ZAP70: variants seen among roughly 807,000 people sequenced by gnomAD.
ZAP70 encodes the protein zeta chain of T cell receptor associated protein kinase 70.
In ZAP70, 27 loss-of-function variants were observed where a neutral mutation model predicts 65.8. That is an observed-to-expected ratio of 0.41 (90% CI 0.30 to 0.57). ZAP70 has a LOEUF of 0.57. Ranked by LOEUF, ZAP70 falls within the 20% of genes least tolerant of loss-of-function variation. ZAP70 has a pLI of 0.28. For synonymous variants in ZAP70, 363 were observed against 360.8 expected (o/e 1.01, Z -0.07); for missense variants, 696 against 870.5 (o/e 0.80, Z 2.52).
intron 4 of ZAP70, among the ~76,000 whole-genome samples, chr2:97,726,595 C>T (rs1018893783): frequency 6.6e-6 from 1 of 152,270 alleles, no homozygotes; most frequent in Non-Finnish European, 1.5e-5. Context: ...ATTTTCCTCA[C>T]CCATGTGAAG....
chr2:97,734,824 G>C (rs1677785251), intron 9 of ZAP70, 112 bp downstream of exon 9: 8 of 1,412,176 alleles, frequency 5.7e-6, no homozygotes, highest in Non-Finnish European at 6.8e-6. Flanking sequence ...GTTTGCCTGG[G>C]AAACAGACTC....
rs1677275631 is a variant in ZAP70 at position 97,724,159 on chromosome 2, C to G, written c.123C>G (p.Arg41=). The stretch of plus-strand genomic sequence containing the variant: ...TCTTCCTGCTGCGCCAGTGCCTGCG[C>G]TCGCTGGGCGGCTATGTGCTGTCGC... ...DGLFLLRQCL[R]SLGGYVLSLV... is the part of the protein sequence containing the mutation. Residue 41 remains arginine (R), a synonymous_variant, in exon 3 of 14, where the codon CGC becomes CGG. Coordinates refer to ENST00000264972, the MANE Select transcript of ZAP70 (RefSeq NM_001079.4). The G allele has an allele frequency of 6.3e-7, 1 of 1,581,102 alleles. No homozygotes were observed. The highest frequency in any genetic ancestry group is 1.3e-5 in the African/African-American group (1 of 74,440).
intron 2 of ZAP70, among the ~76,000 whole-genome samples, chr2:97,721,219 A>G (rs1677139982): frequency 6.6e-6 from 1 of 152,168 alleles, no homozygotes; most frequent in Non-Finnish European, 1.5e-5. Context: ...TATCACATAC[A>G]GTTGATCAAC....
intron 4 of ZAP70, among the ~76,000 whole-genome samples, chr2:97,732,252 G>T (rs140004147): frequency 2.0e-5 from 3 of 152,348 alleles, no homozygotes; most frequent in African/African-American, 7.2e-5. Flanking sequence ...TATGGAACTG[G>T]TCAGTCTCGT....
At chr2:97,743,179 G>A (rs767461048), downstream of ZAP70, among the ~76,000 whole-genome samples, 20 of 152,168 alleles carry the variant, frequency 1.3e-4, no homozygotes, top group Non-Finnish European at 2.4e-4. Context: ...TTCTGGCTCC[G>A]TGGCTGCCAC....
chr2:97,734,591 G>C lies in ZAP70; in HGVS notation c.961G>C (p.Asp321His), dbSNP rs199993140. 1 of 1,614,200 alleles carries C rather than the reference G, an allele frequency of 6.2e-7. No individual in the cohort carries two copies. The highest frequency in any genetic ancestry group is 1.3e-5 in the African/African-American group (1 of 75,068). The change falls in exon 9 of 14, where the codon GAC becomes CAC. Residue 321 changes from aspartate (D) to histidine (H), a missense_variant. Physicochemically the swap from Asp to His is moderately conservative, Grantham distance 81. This residue lies in a region of ZAP70 where 551 missense variants were observed against 630.0 expected (regional missense o/e 0.87). Coordinates refer to ENST00000264972, the MANE Select transcript of ZAP70 (RefSeq NM_001079.4). ...DTSVYESPYS[D>H]PEELKDKKLF... is the part of the protein sequence containing the mutation. ...GAGCGTGTATGAGAGCCCCTACAGC[G>C]ACCCAGAGGAGCTCAAGGACAAGAA...
downstream of ZAP70, chr2:97,739,885 G>C (rs1217651142): frequency 4.0e-6 from 1 of 249,458 alleles, no homozygotes; most frequent in Non-Finnish European, 7.9e-6. Context: ...TCTTTTCCGG[G>C]GTGAGGGTAG....
rs762526632 is a variant in ZAP70, at chr2:97,737,905, C to T, written c.1623+8C>T. On this transcript the variant is annotated splice_region_variant and intron_variant, in intron 12 of 13. Transcript: ENST00000264972. This position sits in a 1 kb window ranked among gnomAD's most constrained non-coding sequence, Gnocchi z 5.0. ...GGCCAGAAGCCCTACAAGGCAGGCGCGGGCAGAGGCAGGTGGGCGGTGTGG... is the reference window on the plus strand; with the variant it reads ...GGCCAGAAGCCCTACAAGGCAGGCGTGGGCAGAGGCAGGTGGGCGGTGTGG... The T allele has an allele frequency of 4.9e-5, 79 of 1,614,066 alleles. 1 individual carries two copies. Among genetic ancestry groups the T allele is most frequent in the African/African-American group, 2.1e-4 (16 of 75,030 alleles).
Position 97,715,948 on chromosome 2 carries a change from C to G in ZAP70, c.-22+1954C>G, listed in dbSNP as rs759193892. 1.3e-5 allele frequency among the ~76,000 whole-genome samples: 2 copies of G among 152,032 alleles called. No individual in the cohort carries two copies. Among genetic ancestry groups the G allele is most frequent in the African/African-American group, 4.8e-5 (2 of 41,366 alleles). ...CAAGACAGAGCCGTGGGCCCTGCCT[C>G]GGGGAGCTCAGCCTGGTGAGGGACT... On this transcript the variant is annotated intron_variant, in intron 2 of 13. Coordinates refer to ENST00000264972, the MANE Select transcript of ZAP70 (RefSeq NM_001079.4). The surrounding 1 kb of genome is among the most constrained non-coding windows in gnomAD (Gnocchi z 4.1).
chr2:97,717,682 C>T (rs1286109761), intron 2 of ZAP70, among the ~76,000 whole-genome samples: 3 of 152,218 alleles, frequency 2.0e-5, no homozygotes, highest in African/African-American at 2.4e-5. Flanking sequence ...AATTAAGTGA[C>T]GCTGAAAGAG....
At position 97,734,903 on chromosome 2, in the gene ZAP70, G is replaced by A. The variant is rs1441135196; in HGVS notation, c.1082+191G>A. 16 of 817,284 alleles carry A rather than the reference G, an allele frequency of 2.0e-5. No individual in the cohort carries two copies. The East Asian group carries it at 4.3e-4, about 22-fold the overall frequency. The allele number at this position is 817,284 out of a possible 1,614,324, so 50.6% of individuals were successfully genotyped here. A position where few individuals can be genotyped will look rare whatever the true frequency, so the allele number is the denominator to read the frequency against. ...GGGACACCTGACGGGGGTGGGATGG[G>A]GCCTGGGCAGGGGGAGGCTGTGGAG... On this transcript the variant is annotated intron_variant, in intron 9 of 13. Transcript: ENST00000264972.
At chr2:97,743,401 T>A (rs1193928686), downstream of ZAP70, among the ~76,000 whole-genome samples, 1 of 152,246 alleles carries the variant, frequency 6.6e-6, no homozygotes, top group Non-Finnish European at 1.5e-5. Context: ...AATGGCGCGA[T>A]CTTGGCTCAC....
At chr2:97,751,457 T>A in the ZAP70 span, among the ~76,000 whole-genome samples, 2 of 152,244 alleles carry the variant, frequency 1.3e-5, no homozygotes, top group Admixed American at 1.3e-4. Context: ...GATCGTATAA[T>A]GCTAATGGTA....
Position 97,739,655 on chromosome 2 carries a change from C to T in ZAP70, c.*157C>T. On this transcript the variant is annotated 3_prime_UTR_variant, in exon 14 of 14. Coordinates refer to ENST00000264972, the MANE Select transcript of ZAP70 (RefSeq NM_001079.4). The stretch of plus-strand genomic sequence containing the variant: ...GGCCACACCGGCCTTGCATTGCCTG[C>T]CTGGCCCCCTGTCCTCTCTGGCTGG... The T allele has an allele frequency of 5.2e-6, 6 of 1,164,134 alleles. No individual in the cohort carries two copies. Among genetic ancestry groups the T allele is most frequent in the Non-Finnish European group, 7.2e-6 (6 of 833,984 alleles). The allele number at this position is 1,164,134 out of a possible 1,614,324, so 72.1% of individuals were successfully genotyped here.
At chr2:97,723,646 C>G (rs75699372) in intron 2 of ZAP70, among the ~76,000 whole-genome samples, 5,206 of 152,280 alleles carry the variant, frequency 0.034, 301 homozygotes, top group African/African-American at 0.12. Context: ...TTCGGGAGGA[C>G]GGGGTGGGAC....
intron 2 of ZAP70, 123 bp from the exon 3 acceptor site, chr2:97,723,893 C>A: frequency 9.0e-7 from 1 of 1,116,514 alleles, no homozygotes; most frequent in Middle Eastern, 3.0e-4. Flanking sequence ...GGCTCTGCCC[C>A]CTTGGCGAGC....
rs1177191144 is a variant in ZAP70, at chr2:97,735,366, G to A, written c.1199G>A (p.Arg400Gln). 3.7e-6 allele frequency: 6 copies of A among 1,614,114 alleles called. No individual in the cohort carries two copies. Among genetic ancestry groups the A allele is most frequent in the South Asian group, 3.3e-5 (3 of 91,088 alleles). ...CAGCTGGACAACCCCTACATCGTGC[G>A]GCTCATTGGCGTCTGCCAGGCCGAG... ...MHQLDNPYIV[R>Q]LIGVCQAEAL... Residue 400 changes from arginine (R) to glutamine (Q), a missense_variant, in exon 10 of 14, where the codon CGG becomes CAG. This residue lies in a region of ZAP70 where 551 missense variants were observed against 630.0 expected (regional missense o/e 0.87). Transcript: ENST00000264972.
In ZAP70 at chr2:97,733,276, C is replaced by G. The variant is rs765489716; in HGVS notation, c.791-21C>G. 1.9e-6 allele frequency: 3 copies of G among 1,608,344 alleles called. No individual in the cohort carries two copies. The South Asian group carries it at 3.3e-5, about 18-fold the overall frequency. On this transcript the variant is annotated intron_variant, in intron 6 of 13. Transcript: ENST00000264972. ...CAGGAGACCTGGCCCCCAGCCCTCA[C>G]TGTCCCTTCTGCTCCCCCAGGGGCT... is the stretch of plus-strand genomic sequence containing the variant.
In ZAP70 at chr2:97,733,883, C is replaced by T. The variant is rs895437; in HGVS notation, c.889+288C>T. Reference sequence around the variant, plus strand: ...ATGTGTCAGTCACGTTCCGAGGTCACTGTGTGTATGAGCCACCGAACCCTC... The same window carrying T: ...ATGTGTCAGTCACGTTCCGAGGTCATTGTGTGTATGAGCCACCGAACCCTC... On this transcript the variant is annotated intron_variant, in intron 8 of 13. Transcript: ENST00000264972. 0.091 allele frequency: 50,013 copies of T among 550,362 alleles called. 3,115 individuals carry two copies. Among genetic ancestry groups the T allele is most frequent in the Non-Finnish European group, 0.12 (35,728 of 304,622 alleles). 34.1% of individuals were successfully genotyped at this position (550,362 alleles called of 1,614,324 possible). A position where few individuals can be genotyped will look rare whatever the true frequency, so the allele number is the denominator to read the frequency against.
Sources: gnomAD v4.1 joint callset for allele counts (sites outside exome capture counted in the v4.1 genomes callset) on GRCh38, gnomAD v4.1.1 for gene constraint, gnomAD v4.1.1 regional missense constraint, Gnocchi (gnomAD v3.1) non-coding constraint, MANE v1.5 for transcripts, NCBI Gene and HGNC (gene_info 2026-07-23, HGNC 2026-07-21) for gene names.